Variants in HERC2 observed in about 807,000 individuals in gnomAD.
HERC2 encodes E3 ubiquitin-protein ligase HERC2.
Under a neutral mutation model 537.7 loss-of-function variants are expected in HERC2, and 102 were observed. The ratio of observed to expected loss-of-function variants is 0.19; its 90% CI spans 0.16 to 0.22. HERC2 has a LOEUF of 0.22. HERC2 is among the 10% of genes least tolerant of loss of function. The probability of loss-of-function intolerance (pLI) is 1.00; values close to 1 mark genes in which losing one functional copy is unlikely to be tolerated. For synonymous variants in HERC2, 2,224 were observed against 2,466.2 expected (o/e 0.90, Z 2.91); for missense variants, 4,236 against 6,198.2 (o/e 0.68, Z 10.63).
At chr15:28,239,962 T>A (rs925231227) in intron 23 of HERC2, among the ~76,000 whole-genome samples, 1 of 152,144 alleles carries the variant, frequency 6.6e-6, no homozygotes, top group African/African-American at 2.4e-5. Flanking sequence ...AAAAAAGGCA[T>A]TTTTGAGATA....
intron 23 of HERC2, among the ~76,000 whole-genome samples, chr15:28,239,923 G>A (rs57713848): frequency 0.08 from 12,175 of 152,154 alleles, 1,665 homozygotes; most frequent in African/African-American, 0.28. Flanking sequence ...CAGAGAACAT[G>A]CTCAGGTCCT....
At chr15:28,224,504 G>T (rs1325457210) in intron 35 of HERC2, among the ~76,000 whole-genome samples, 2 of 152,164 alleles carry the variant, frequency 1.3e-5, no homozygotes, top group African/African-American at 4.8e-5. Flanking sequence ...TTACAGCCTG[G>T]CCTGATACAT....
At position 28,228,257 on chromosome 15, in the gene HERC2, C is replaced by T. The variant is rs1191505026; in HGVS notation, c.5425G>A (p.Gly1809Ser). 7.4e-6 allele frequency: 12 copies of T among 1,613,676 alleles called. No homozygotes were observed. The highest frequency in any genetic ancestry group is 9.3e-6 in the Non-Finnish European group (11 of 1,179,872). The change falls in exon 35 of 93, where the codon GGC becomes AGC. Residue 1809 changes from glycine to serine, a missense_variant. Transcript: ENST00000261609. ...GCCGTCTGCGTGAGGGCCAGCATGC[C>T]GGAATTGAGCAGAAGGTCGAGGTTG... ...ANNLDLLLNS[G>S]MLALTQTALR...
chr15:28,236,082 G>C (rs868592760), intron 26 of HERC2, among the ~76,000 whole-genome samples: 6 of 152,090 alleles, frequency 3.9e-5, no homozygotes, highest in Non-Finnish European at 8.8e-5. Context: ...TGGGCATGCA[G>C]GGAGACAAAA....
intron 63 of HERC2, 126 bp from the exon 64 acceptor site, chr15:28,175,782 C>G (rs1205235009): frequency 3.3e-6 from 3 of 914,642 alleles, no homozygotes; most frequent in Non-Finnish European, 5.0e-6. Context: ...CACCCAAGGT[C>G]TTCAAACTTG....
At chr15:28,316,271 G>T (rs1567159294) in intron 2 of HERC2, among the ~76,000 whole-genome samples, 2 of 141,326 alleles carry the variant, frequency 1.4e-5, no homozygotes, top group Non-Finnish European at 3.0e-5. Flanking sequence ...AAGTCCTACG[G>T]CTAAACCCTT....
At chr15:28,216,976 C>G (rs1189344106) in intron 38 of HERC2, among the ~76,000 whole-genome samples, 1 of 152,146 alleles carries the variant, frequency 6.6e-6, no homozygotes. Context: ...GTTATAACCT[C>G]CCATTCACTG....
chr15:28,245,960 T>C lies in HERC2; in HGVS notation c.3498A>G (p.Glu1166=), dbSNP rs1166669518. 2 of 1,613,986 alleles carry C rather than the reference T, an allele frequency of 1.2e-6. No homozygotes were observed. Among genetic ancestry groups the C allele is most frequent in the African/African-American group, 2.7e-5 (2 of 74,916 alleles). Residue 1166 remains glutamate, a synonymous_variant, in exon 23 of 93, where the codon GAA becomes GAG. Transcript: ENST00000261609. ...CCAGATGGTTGAACCGATCCAGATG[T>C]TCCAACAGGCCACCCAGCAGAGGTA... ...GAVPLLGGLL[E]HLDRFNHLAP...
At chr15:28,218,055 G>A (rs1456010758) in intron 38 of HERC2, among the ~76,000 whole-genome samples, 5 of 151,962 alleles carry the variant, frequency 3.3e-5, no homozygotes, top group Non-Finnish European at 5.9e-5. Context: ...ACCTCGGCAG[G>A]TGACCTTGTT....
chr15:28,259,147 T>C (rs568535026), intron 16 of HERC2, among the ~76,000 whole-genome samples: 1 of 152,286 alleles, frequency 6.6e-6, no homozygotes, highest in South Asian at 2.1e-4. Flanking sequence ...CAAGCTGGAG[T>C]GCAATGGCGC....
chr15:28,244,827 T>C (rs1330069598), intron 23 of HERC2, among the ~76,000 whole-genome samples: 1 of 152,132 alleles, frequency 6.6e-6, no homozygotes, highest in Non-Finnish European at 1.5e-5. Context: ...AGCTCCCATG[T>C]TAGGGGGATG....
At position 28,176,774 on chromosome 15, in the gene HERC2, C is replaced by CA. The variant is rs1895328390; in HGVS notation, c.9433-7dup. The CA allele has an allele frequency of 1.2e-6, 2 of 1,613,162 alleles. No homozygotes were observed. The highest frequency in any genetic ancestry group is 8.5e-7 in the Non-Finnish European group (1 of 1,179,516). On this transcript the variant is annotated splice_polypyrimidine_tract_variant and splice_region_variant and intron_variant, in intron 61 of 92. Coordinates refer to ENST00000261609, the MANE Select transcript of HERC2 (RefSeq NM_004667.6). This position sits in a 1 kb window ranked among gnomAD's most constrained non-coding sequence, Gnocchi z 5.0. ...TGACCGAGAAGGACTTTCACCTACT[C>CA]AATTACAAATTTAAAAACAGAATCA...
rs183107400 is a variant in HERC2 at position 28,200,313 on chromosome 15, T to G, written c.7716+1143A>C. ...GGGAGGCTGAGGCAGGAGAATGGCA[T>G]GAACCCGGGAGGCGGAGCTTGTAGT... On this transcript the variant is annotated intron_variant, in intron 48 of 92. Coordinates refer to ENST00000261609, the MANE Select transcript of HERC2 (RefSeq NM_004667.6). 4.1e-3 allele frequency among the ~76,000 whole-genome samples: 627 copies of G among 152,070 alleles called. 1 individual carries two copies. The highest frequency in any genetic ancestry group is 0.014 in the African/African-American group (594 of 41,482).
chr15:28,308,847 A>C (rs1336097483), intron 2 of HERC2, among the ~76,000 whole-genome samples: 1 of 152,246 alleles, frequency 6.6e-6, no homozygotes, highest in South Asian at 2.1e-4. Context: ...GTATCACATC[A>C]ATTGATTTGC....
chr15:28,149,997 C>T (rs895027996), intron 70 of HERC2, among the ~76,000 whole-genome samples: 62 of 151,944 alleles, frequency 4.1e-4, no homozygotes, highest in African/African-American at 1.4e-3. Flanking sequence ...AGAACGGCCA[C>T]ACGAACACAC....
chr15:28,146,310 C>T lies in HERC2; in HGVS notation c.10935G>A (p.Gln3645=), dbSNP rs1891728628. ...AEGLRVEFDR[Q]CSTERRHDPL... The stretch of plus-strand genomic sequence containing the variant: ...GGTCGTGGCGCCTCTCTGTGGAGCA[C>T]TGCCGGTCAAATTCTACCCTGAGTC... The change falls in exon 71 of 93, where the codon CAG becomes CAA. Residue 3645 remains glutamine (Q), a synonymous_variant. Coordinates refer to ENST00000261609, the MANE Select transcript of HERC2 (RefSeq NM_004667.6). 2 of 1,614,084 alleles carry T rather than the reference C, an allele frequency of 1.2e-6. No homozygotes were observed. The highest frequency in any genetic ancestry group is 1.7e-6 in the Non-Finnish European group (2 of 1,180,010).
At chr15:28,149,353 C>T (rs1394934640) in intron 70 of HERC2, among the ~76,000 whole-genome samples, 5 of 151,328 alleles carry the variant, frequency 3.3e-5, no homozygotes, top group Middle Eastern at 3.4e-3. Context: ...GTAAAATTAC[C>T]AAAAAAACAC....
At chr15:28,313,323 G>A (rs1300199928) in intron 2 of HERC2, among the ~76,000 whole-genome samples, 53 of 152,170 alleles carry the variant, frequency 3.5e-4, no homozygotes, top group African/African-American at 1.1e-3. Context: ...GACTACAGGC[G>A]CACGCCACCA....
chr15:28,254,579 A>T, intron 19 of HERC2, 61 bp from the exon 20 acceptor site: 1 of 1,196,016 alleles, frequency 8.4e-7, no homozygotes, highest in South Asian at 1.5e-5. Context: ...GAAGACACAC[A>T]GGCTGGCTGA....
Sources: gnomAD v4.1 joint callset for allele counts (sites outside exome capture counted in the v4.1 genomes callset) on GRCh38, gnomAD v4.1.1 for gene constraint, Gnocchi (gnomAD v3.1) non-coding constraint, MANE v1.5 for transcripts, NCBI Gene and HGNC (gene_info 2026-07-23, HGNC 2026-07-21) for gene names.